Variants in TACC2 observed in about 807,000 individuals in gnomAD.
TACC2 encodes the protein transforming acidic coiled-coil-containing protein 2.
In TACC2, 137 loss-of-function variants were observed where a neutral mutation model predicts 227.3. The ratio of observed to expected loss-of-function variants is 0.60; its 90% CI spans 0.52 to 0.69. TACC2 has a LOEUF of 0.69. TACC2 is among the 30% of genes least tolerant of loss of function. The probability of loss-of-function intolerance (pLI) is 0.00; values close to 1 mark genes in which losing one functional copy is unlikely to be tolerated. For synonymous variants in TACC2, 1,523 were observed against 1,487.5 expected (o/e 1.02, Z -0.55); for missense variants, 3,470 against 3,694.4 (o/e 0.94, Z 1.57).
rs1323638092 is a variant in TACC2 at position 122,087,290 on chromosome 10, G to T, written c.4790G>T (p.Gly1597Val). ...GTGGCCCAAGACAGAATTCCTTCTG[G>T]AAAGCAGCACCAGGAAACATCTGCC... ...EAVAQDRIPS[G>V]KQHQETSACD... Residue 1597 changes from glycine (G) to valine (V), a missense_variant, in exon 4 of 23, where the codon GGA becomes GTA. Physicochemically the swap from Gly to Val is moderately radical, Grantham distance 109. Transcript: ENST00000369005. 1.2e-6 allele frequency: 2 copies of T among 1,613,906 alleles called. No homozygotes were observed. Among genetic ancestry groups the T allele is most frequent in the South Asian group, 2.2e-5 (2 of 91,082 alleles).
At position 122,195,121 on chromosome 10, in the gene TACC2, C is replaced by A. The variant is rs1241392502; in HGVS notation, c.5916C>A (p.Pro1972=). The A allele has an allele frequency of 6.2e-7, 1 of 1,613,486 alleles. No individual in the cohort carries two copies. The highest frequency in any genetic ancestry group is 8.5e-7 in the Non-Finnish European group (1 of 1,179,642). Reference sequence around the variant, plus strand: ...CTCCGCCAGCTCCACCCCCACCACCCCCCGAAGTCATCCCAGAACCCGAGG... The same window carrying A: ...CTCCGCCAGCTCCACCCCCACCACCACCCGAAGTCATCCCAGAACCCGAGG... The part of the protein sequence containing the change: ...VKAPPAPPPP[P]PEVIPEPEVS... The change falls in exon 8 of 23, where the codon CCC becomes CCA. Residue 1972 remains proline (P), a synonymous_variant. Coordinates refer to ENST00000369005, the MANE Select transcript of TACC2 (RefSeq NM_206862.4).
At chr10:122,131,590 C>A (rs932835378) in intron 5 of TACC2, among the ~76,000 whole-genome samples, 1 of 152,178 alleles carries the variant, frequency 6.6e-6, no homozygotes, top group African/African-American at 2.4e-5. Flanking sequence ...AAACTCAAGG[C>A]TGGGGTTTCT....
At position 122,084,163 on chromosome 10, in the gene TACC2, G is replaced by T. The variant is rs772211415; in HGVS notation, c.1663G>T (p.Val555Phe). 1 of 1,614,070 alleles carries T rather than the reference G, an allele frequency of 6.2e-7. No homozygotes were observed. Among genetic ancestry groups the T allele is most frequent in the South Asian group, 1.1e-5 (1 of 91,084 alleles). Residue 555 changes from valine (V) to phenylalanine (F), a missense_variant, in exon 4 of 23, where the codon GTC (valine) becomes TTC (phenylalanine). Val to Phe is a conservative substitution (Grantham distance 50). Transcript: ENST00000369005. ...ACCGGGGCCAACGGATGGAGCCAAGGTCCATGAAGATTCCACAAGCCCAGC... is the reference window on the plus strand; with the variant it reads ...ACCGGGGCCAACGGATGGAGCCAAGTTCCATGAAGATTCCACAAGCCCAGC... ...GPPGPTDGAKVHEDSTSPAVA... is the reference protein window; with the variant it reads ...GPPGPTDGAKFHEDSTSPAVA...
At chr10:122,060,624 G>A (rs1035482851) in intron 3 of TACC2, among the ~76,000 whole-genome samples, 1 of 152,242 alleles carries the variant, frequency 6.6e-6, no homozygotes, top group Non-Finnish European at 1.5e-5. Flanking sequence ...ACCAGTGAAG[G>A]TGGAGAAAAT....
intron 2 of TACC2, among the ~76,000 whole-genome samples, chr10:122,036,337 T>C (rs1468226961): frequency 6.1e-5 from 9 of 147,300 alleles, no homozygotes; most frequent in Non-Finnish European, 1.3e-4. Flanking sequence ...GGACTACAGG[T>C]GCCTGCCACC....
At chr10:122,073,310 G>A (rs959755240) in intron 3 of TACC2, among the ~76,000 whole-genome samples, 2 of 151,654 alleles carry the variant, frequency 1.3e-5, no homozygotes, top group Non-Finnish European at 2.9e-5. Flanking sequence ...CCATGGAGAC[G>A]GGGAAGGAGA....
At chr10:122,003,551 C>G (rs980575041) in intron 1 of TACC2, among the ~76,000 whole-genome samples, 42 of 152,162 alleles carry the variant, frequency 2.8e-4, no homozygotes, top group African/African-American at 9.4e-4. Flanking sequence ...CTCTATTTTG[C>G]CTTTAACCTC....
chr10:122,073,957 T>C (rs1254522743), intron 3 of TACC2, among the ~76,000 whole-genome samples: 1 of 151,852 alleles, frequency 6.6e-6, no homozygotes, highest in East Asian at 1.9e-4. Flanking sequence ...TTTTTTTGTA[T>C]GTTTTATAGA....
intron 3 of TACC2, among the ~76,000 whole-genome samples, chr10:122,057,477 C>T: frequency 6.6e-6 from 1 of 151,994 alleles, no homozygotes; most frequent in Admixed American, 6.6e-5. Flanking sequence ...AACAGACTCC[C>T]TCTTGGCCAA....
chr10:122,167,202 G>A (rs977880142), intron 7 of TACC2, among the ~76,000 whole-genome samples: 7 of 152,334 alleles, frequency 4.6e-5, no homozygotes, highest in Non-Finnish European at 1.0e-4. Context: ...CTCTCAAAGT[G>A]AGCACGTGCC....
chr10:122,098,599 G>A, intron 5 of TACC2, among the ~76,000 whole-genome samples: 1 of 152,152 alleles, frequency 6.6e-6, no homozygotes, highest in East Asian at 1.9e-4. Flanking sequence ...AGAGAGTTAT[G>A]TAAAAAATAA....
chr10:122,244,746 T>C (rs934632462), intron 19 of TACC2, among the ~76,000 whole-genome samples: 1 of 152,140 alleles, frequency 6.6e-6, no homozygotes, highest in African/African-American at 2.4e-5. Flanking sequence ...ACTGTAGTCG[T>C]ATTTTGAAGT....
intron 3 of TACC2, among the ~76,000 whole-genome samples, chr10:122,079,856 A>G (rs1442431624): frequency 6.6e-6 from 1 of 152,240 alleles, no homozygotes; most frequent in Non-Finnish European, 1.5e-5. Flanking sequence ...GGGCTAAATG[A>G]GATAATCCAC....
At chr10:122,117,978 G>C (rs1013929607) in intron 5 of TACC2, among the ~76,000 whole-genome samples, 2 of 151,832 alleles carry the variant, frequency 1.3e-5, no homozygotes, top group African/African-American at 4.8e-5. Context: ...ACACAGAACA[G>C]GAAAAGATTG....
chr10:122,237,558 A>G lies in TACC2; in HGVS notation c.8271+20A>G. 1 of 1,599,014 alleles carries G rather than the reference A, an allele frequency of 6.3e-7. No individual in the cohort carries two copies. Among genetic ancestry groups the G allele is most frequent in the Non-Finnish European group, 8.5e-7 (1 of 1,170,342 alleles). ...GCAGAGGTATCGTGGCATGTGGTGT[A>G]ATTACCCTCTTCCTGCCACTTATAA... is the stretch of plus-strand genomic sequence containing the variant. On this transcript the variant is annotated intron_variant, in intron 17 of 22. Transcript: ENST00000369005.
intron 5 of TACC2, among the ~76,000 whole-genome samples, chr10:122,102,134 G>A (rs982885073): frequency 1.3e-5 from 2 of 152,100 alleles, no homozygotes; most frequent in South Asian, 4.1e-4. Context: ...CACCCTTTAA[G>A]TAGCAAGGGG....
At chr10:122,004,869 G>A (rs917618016) in intron 1 of TACC2, among the ~76,000 whole-genome samples, 4 of 152,044 alleles carry the variant, frequency 2.6e-5, no homozygotes, top group African/African-American at 7.2e-5. Context: ...TTATTATTTT[G>A]TATTTTGTAA....
chr10:122,185,036 T>C (rs1366220620), intron 7 of TACC2, among the ~76,000 whole-genome samples: 1 of 148,590 alleles, frequency 6.7e-6, no homozygotes, highest in Non-Finnish European at 1.5e-5. Context: ...TTTTTTTTTT[T>C]TTTTTTTTTA....
intron 5 of TACC2, among the ~76,000 whole-genome samples, chr10:122,104,214 T>C (rs759060585): frequency 6.6e-6 from 1 of 152,160 alleles, no homozygotes; most frequent in Non-Finnish European, 1.5e-5. Context: ...TTCTGGTCCA[T>C]GTCCTCTTCT....
Sources: gnomAD v4.1 joint callset for allele counts (sites outside exome capture counted in the v4.1 genomes callset) on GRCh38, gnomAD v4.1.1 for gene constraint, MANE v1.5 for transcripts, NCBI Gene and HGNC (gene_info 2026-07-23, HGNC 2026-07-21) for gene names.